MACROD1: variants seen among roughly 807,000 people sequenced by gnomAD.
MACROD1 encodes the protein ADP-ribose glycohydrolase MACROD1.
In MACROD1, 31 loss-of-function variants were observed where a neutral mutation model predicts 41.4. That is an observed-to-expected ratio of 0.75 (90% CI 0.56 to 1.01). The LOEUF (loss-of-function observed/expected upper bound fraction) is 1.01. Ranked by LOEUF, MACROD1 falls within the 50% of genes least tolerant of loss-of-function variation. MACROD1 has a pLI of 0.00. For missense variants in MACROD1, 473 were observed against 460.0 expected (o/e 1.03, Z -0.26); for synonymous variants, 252 against 203.4 (o/e 1.24, Z -2.03).
chr11:64,149,315 T>C (rs1016725913), intron 3 of MACROD1, among the ~76,000 whole-genome samples: 11 of 152,114 alleles, frequency 7.2e-5, no homozygotes, highest in Admixed American at 6.5e-4. Context: ...TTCACCACCC[T>C]CATTTTGCAG....
intron 1 of MACROD1, among the ~76,000 whole-genome samples, chr11:64,153,857 A>ACTCACTGC (rs2134712351): frequency 6.6e-6 from 1 of 151,942 alleles, no homozygotes; most frequent in African/African-American, 2.4e-5. Flanking sequence ...CTCCCAGAGG[A>ACTCACTGC]CTCACTGCTG....
chr11:64,005,261 C>T (rs1271235324), intron 4 of MACROD1, among the ~76,000 whole-genome samples: 1 of 152,162 alleles, frequency 6.6e-6, no homozygotes. Flanking sequence ...AACTCCTGAC[C>T]TTGTGATCCG....
rs531260801 is a variant in MACROD1 at position 64,130,975 on chromosome 11, T to G, written c.517+20264A>C. Among the ~76,000 whole-genome samples, 140 of 152,386 alleles carry G rather than the reference T, an allele frequency of 9.2e-4. 1 individual carries two copies. The highest frequency in any genetic ancestry group is 2.1e-4 in the Non-Finnish European group (14 of 68,038). Reference sequence around the variant, plus strand: ...ACTGGCCGGCCCGGCGAGGAAGCACTGCATCGGAGATGGGCTTATTAAAAC... The same window carrying G: ...ACTGGCCGGCCCGGCGAGGAAGCACGGCATCGGAGATGGGCTTATTAAAAC... On this transcript the variant is annotated intron_variant, in intron 3 of 10. Coordinates refer to ENST00000255681, the MANE Select transcript of MACROD1 (RefSeq NM_014067.4).
At chr11:64,055,573 C>T (rs554688443) in intron 3 of MACROD1, among the ~76,000 whole-genome samples, 4 of 152,310 alleles carry the variant, frequency 2.6e-5, no homozygotes, top group Admixed American at 6.5e-5. Context: ...CACAAGGGGA[C>T]TTTCTCTGTC....
intron 1 of MACROD1, 59 bp from the exon 2 acceptor site, chr11:64,152,452 C>T: frequency 7.7e-7 from 1 of 1,299,158 alleles, no homozygotes; most frequent in Non-Finnish European, 1.1e-6. Flanking sequence ...GGGGCTTGCA[C>T]CCCCACATCT....
chr11:64,116,601 TA>T (rs1944986571), intron 3 of MACROD1: 1 of 1,614,054 alleles, frequency 6.2e-7, no homozygotes, highest in African/African-American at 1.3e-5. Flanking sequence ...GCAGGTCATC[TA>T]CCTATACGAG....
chr11:64,033,670 G>A lies in MACROD1; in HGVS notation c.518-18389C>T, dbSNP rs531867370. ...AGCCTGGCCAACATAGTGAAACCCC[G>A]TCTCTGCTAAAAATACAAAAATTAG... On this transcript the variant is annotated intron_variant, in intron 3 of 10. Coordinates refer to ENST00000255681, the MANE Select transcript of MACROD1 (RefSeq NM_014067.4). 5.5e-4 allele frequency among the ~76,000 whole-genome samples: 84 copies of A among 151,634 alleles called. 3 individuals are homozygous for A. The South Asian group carries it at 0.017, about 31-fold the overall frequency.
intron 1 of MACROD1, among the ~76,000 whole-genome samples, chr11:64,157,123 C>G (rs969734733): frequency 6.6e-6 from 1 of 152,006 alleles, no homozygotes; most frequent in East Asian, 1.9e-4. Flanking sequence ...GACAGAGTCT[C>G]ACTCTGTCAC....
At chr11:64,073,703 C>T (rs973614636) in intron 3 of MACROD1, among the ~76,000 whole-genome samples, 2 of 152,186 alleles carry the variant, frequency 1.3e-5, no homozygotes, top group African/African-American at 4.8e-5. Flanking sequence ...TGTGCGTGCG[C>T]GTGGGTTCTC....
intron 8 of MACROD1, 123 bp downstream of exon 8, chr11:63,999,208 G>GAAAC (rs1942772119): frequency 7.1e-7 from 1 of 1,401,448 alleles, no homozygotes; most frequent in Non-Finnish European, 9.7e-7. Context: ...TTGCGCAGGA[G>GAAAC]AAACAGGGAA....
intron 4 of MACROD1, among the ~76,000 whole-genome samples, chr11:64,014,431 CCT>C (rs1330420791): frequency 6.6e-6 from 1 of 152,242 alleles, no homozygotes; most frequent in East Asian, 1.9e-4. Flanking sequence ...CCTTTATGCC[CCT>C]TTTATTTTTC....
At chr11:63,999,880 G>A (rs1942789760) in intron 5 of MACROD1, 117 bp from the exon 6 acceptor site, 3 of 1,228,586 alleles carry the variant, frequency 2.4e-6, no homozygotes, top group Admixed American at 2.6e-5. Flanking sequence ...CAAGCGCTGA[G>A]CCTCCTCCGC....
At chr11:64,160,516 T>G (rs1945737666) in intron 1 of MACROD1, among the ~76,000 whole-genome samples, 1 of 152,090 alleles carries the variant, frequency 6.6e-6, no homozygotes, top group Non-Finnish European at 1.5e-5. Context: ...GGAGAGAATG[T>G]TCAGGAAGCC....
chr11:64,103,344 C>G (rs888776917), intron 3 of MACROD1: 2 of 152,220 alleles, frequency 1.3e-5, no homozygotes, highest in African/African-American at 2.4e-5. Context: ...CCCTTGCCCC[C>G]CAAGCATCTT....
chr11:64,054,199 G>A (rs1384883418), intron 3 of MACROD1, among the ~76,000 whole-genome samples: 1 of 152,184 alleles, frequency 6.6e-6, no homozygotes, highest in Non-Finnish European at 1.5e-5. Context: ...ACCTCCCTGG[G>A]GACGTCTTTA....
chr11:64,117,507 G>A (rs1312216516), intron 3 of MACROD1: 1 of 1,609,018 alleles, frequency 6.2e-7, no homozygotes, highest in Non-Finnish European at 8.5e-7. Context: ...TACCCTCAAG[G>A]CCAAAAGGCC....
intron 3 of MACROD1, chr11:64,117,322 T>G (rs772300884): frequency 3.7e-6 from 6 of 1,613,992 alleles, no homozygotes. Context: ...GTGGTCAACG[T>G]GCGGGGCCTC....
chr11:64,138,023 G>C (rs1189320616), intron 3 of MACROD1, among the ~76,000 whole-genome samples: 2 of 152,184 alleles, frequency 1.3e-5, no homozygotes, highest in African/African-American at 4.8e-5. Flanking sequence ...CCAATGACTT[G>C]TCAAGTGTTT....
chr11:64,117,814 A>C (rs1212972131), intron 3 of MACROD1: 1 of 1,614,166 alleles, frequency 6.2e-7, no homozygotes, highest in Admixed American at 1.7e-5. Context: ...AGCAATGCCT[A>C]CGTAGCTGAT....
Sources: allele counts gnomAD v4.1 joint callset (sites outside exome capture counted in the v4.1 genomes callset), GRCh38; gene constraint gnomAD v4.1.1; transcripts MANE v1.5; gene names NCBI Gene and HGNC (gene_info 2026-07-23, HGNC 2026-07-21).